Variants in GATAD2A observed in about 807,000 individuals in gnomAD.
The protein encoded by GATAD2A is GATA zinc finger domain containing 2A.
In GATAD2A, 12 loss-of-function variants were observed where a neutral mutation model predicts 68.5. The ratio of observed to expected loss-of-function variants is 0.18; its 90% CI spans 0.11 to 0.28. The LOEUF is 0.28. GATAD2A is among the 10% of genes least tolerant of loss of function. GATAD2A has a pLI of 1.00. For synonymous variants in GATAD2A, 410 were observed against 375.3 expected (o/e 1.09, Z -1.07); for missense variants, 755 against 868.5 (o/e 0.87, Z 1.64).
intron 1 of GATAD2A, among the ~76,000 whole-genome samples, chr19:19,429,806 A>C (rs906741836): frequency 1.9e-4 from 29 of 151,886 alleles, no homozygotes; most frequent in Admixed American, 3.3e-4. Context: ...TGTGTGGCCA[A>C]CCTCACGATT....
At chr19:19,499,492 T>A (rs192939046) in intron 8 of GATAD2A, among the ~76,000 whole-genome samples, 1 of 151,512 alleles carries the variant, frequency 6.6e-6, no homozygotes, top group African/African-American at 2.4e-5. Flanking sequence ...CAGCACAGAC[T>A]TGGGAGCAGC....
At chr19:19,411,908 C>G (rs1321867856) in intron 1 of GATAD2A, among the ~76,000 whole-genome samples, 1 of 152,130 alleles carries the variant, frequency 6.6e-6, no homozygotes, top group African/African-American at 2.4e-5. Context: ...TTCTTTATAA[C>G]AGAATCCTAC....
At chr19:19,419,355 G>T (rs2052051102) in intron 1 of GATAD2A, among the ~76,000 whole-genome samples, 1 of 152,140 alleles carries the variant, frequency 6.6e-6, no homozygotes, top group Non-Finnish European at 1.5e-5. Context: ...GGGACTCAGA[G>T]GCCAGGTGGC....
At chr19:19,484,229 C>T (rs1001143633) in intron 2 of GATAD2A, among the ~76,000 whole-genome samples, 33 of 152,052 alleles carry the variant, frequency 2.2e-4, no homozygotes, top group South Asian at 2.1e-4. Flanking sequence ...TGTGCTCCAG[C>T]GTAGGCAACA....
upstream of GATAD2A, among the ~76,000 whole-genome samples, chr19:19,400,870 C>T (rs540357657): frequency 7.2e-5 from 11 of 151,986 alleles, no homozygotes; most frequent in East Asian, 1.5e-3. Flanking sequence ...AAGTAGGGCC[C>T]GATGTGGTGG....
upstream of GATAD2A, among the ~76,000 whole-genome samples, chr19:19,401,351 C>G (rs375824463): frequency 6.6e-6 from 1 of 151,208 alleles, no homozygotes; most frequent in Admixed American, 6.6e-5. Flanking sequence ...GTAGCTGGGA[C>G]TACAGGCGCG....
At position 19,494,609 on chromosome 19, in the gene GATAD2A, A is replaced by G. The variant is rs111411814; in HGVS notation, c.624+226A>G. Among the ~76,000 whole-genome samples, 11 of 152,370 alleles carry G rather than the reference A, an allele frequency of 7.2e-5. 1 individual carries two copies. Among genetic ancestry groups the G allele is most frequent in the African/African-American group, 2.6e-4 (11 of 41,596 alleles). On this transcript the variant is annotated intron_variant, in intron 5 of 11. Coordinates refer to ENST00000683918, the MANE Select transcript of GATAD2A (RefSeq NM_001384528.1). ...GTAGGCCACTGTTAATGTCACAGAC[A>G]GAAATCATGGCCAACACTGGAAGGG... is the stretch of plus-strand genomic sequence containing the variant.
At chr19:19,487,217 C>G (rs1029893016) in intron 2 of GATAD2A, among the ~76,000 whole-genome samples, 1 of 152,214 alleles carries the variant, frequency 6.6e-6, no homozygotes, top group Non-Finnish European at 1.5e-5. Flanking sequence ...TACCCCCTTG[C>G]CCTTTGTTCA....
chr19:19,428,854 A>T (rs1860310156), intron 1 of GATAD2A, among the ~76,000 whole-genome samples: 1 of 152,104 alleles, frequency 6.6e-6, no homozygotes, highest in South Asian at 2.1e-4. Context: ...CAGCTCCCCA[A>T]ATAGCATGCC....
intron 1 of GATAD2A, among the ~76,000 whole-genome samples, chr19:19,423,620 C>T (rs951169149): frequency 6.6e-6 from 1 of 152,196 alleles, no homozygotes; most frequent in Non-Finnish European, 1.5e-5. Context: ...GAGAATTTAC[C>T]GAATTGACTG....
At chr19:19,406,399 G>A (rs2050259445) in intron 1 of GATAD2A, among the ~76,000 whole-genome samples, 2 of 150,058 alleles carry the variant, frequency 1.3e-5, no homozygotes, top group Non-Finnish European at 3.0e-5. Context: ...CGGGGCGGGG[G>A]TCCCGCTCAG....
intron 2 of GATAD2A, among the ~76,000 whole-genome samples, chr19:19,482,223 G>A (rs1459259655): frequency 6.6e-6 from 1 of 152,186 alleles, no homozygotes; most frequent in Admixed American, 6.5e-5. Context: ...GACCAACGTG[G>A]TGAAACCCTG....
intron 11 of GATAD2A, 109 bp from the exon 12 acceptor site, chr19:19,505,235 T>G: frequency 9.6e-7 from 1 of 1,040,730 alleles, no homozygotes; most frequent in Non-Finnish European, 1.4e-6. Flanking sequence ...CAAGGGCTCC[T>G]GGGTCCTTAG....
Position 19,495,853 on chromosome 19 carries a change from G to A in GATAD2A, c.724G>A (p.Val242Ile). 1 of 1,613,348 alleles carries A rather than the reference G, an allele frequency of 6.2e-7. No homozygotes were observed. Among genetic ancestry groups the A allele is most frequent in the Non-Finnish European group, 8.5e-7 (1 of 1,179,770 alleles). The change falls in exon 6 of 12, where the codon GTC (valine) becomes ATC (isoleucine). Residue 242 changes from valine to isoleucine, a missense_variant. By Grantham distance (29) the Val-to-Ile change is conservative. Coordinates refer to ENST00000683918, the MANE Select transcript of GATAD2A (RefSeq NM_001384528.1). ...SKLGPQASSQ[V>I]VMPPLVRGAQ... is the part of the protein sequence containing the mutation. Reference sequence around the variant, plus strand: ...GCTGGGGCCACAGGCGAGCTCACAGGTCGTCATGCCCCCACTCGTCAGGGG... The same window carrying A: ...GCTGGGGCCACAGGCGAGCTCACAGATCGTCATGCCCCCACTCGTCAGGGG...
intron 2 of GATAD2A, among the ~76,000 whole-genome samples, chr19:19,490,652 C>T (rs773097021): frequency 2.0e-5 from 3 of 152,094 alleles, no homozygotes; most frequent in Non-Finnish European, 2.9e-5. Context: ...GAGGCCGAGG[C>T]GGGCGGATCA....
At chr19:19,462,351 G>A (rs1378601876) in intron 1 of GATAD2A, among the ~76,000 whole-genome samples, 2 of 152,248 alleles carry the variant, frequency 1.3e-5, no homozygotes, top group Admixed American at 6.5e-5. Flanking sequence ...GGTCTTGGCA[G>A]TGGAGGAGGC....
In GATAD2A at chr19:19,495,903, C is replaced by T; in HGVS notation, c.756+18C>T. 6.2e-7 allele frequency: 1 copy of T among 1,605,632 alleles called. No individual in the cohort carries two copies. The highest frequency in any genetic ancestry group is 1.3e-5 in the African/African-American group (1 of 74,904). On this transcript the variant is annotated intron_variant, in intron 6 of 11. Transcript: ENST00000683918. ...GGGCTCAGGTAAGCAGGGCTGTGCA[C>T]ATGGGGGAGACCTGGCAGCCTCAGC...
intron 9 of GATAD2A, among the ~76,000 whole-genome samples, 188 bp from the exon 10 acceptor site, chr19:19,501,781 G>A (rs1335825616): frequency 6.6e-6 from 1 of 152,160 alleles, no homozygotes; most frequent in African/African-American, 2.4e-5. Flanking sequence ...TTGTAGACTC[G>A]AAGCTCCCTT....
chr19:19,504,860 C>T (rs918813741), intron 11 of GATAD2A, among the ~76,000 whole-genome samples: 1 of 152,020 alleles, frequency 6.6e-6, no homozygotes, highest in African/African-American at 2.4e-5. Context: ...CCAGGCTGGT[C>T]TCTATCTCCT....
Sources: gnomAD v4.1 joint callset for allele counts (sites outside exome capture counted in the v4.1 genomes callset) on GRCh38, gnomAD v4.1.1 for gene constraint, MANE v1.5 for transcripts, NCBI Gene and HGNC (gene_info 2026-07-23, HGNC 2026-07-21) for gene names.